CDH23: variants seen among roughly 807,000 people sequenced by gnomAD.
CDH23 encodes the protein cadherin related 23, also known as cadherin-23.
A neutral mutation model predicts 317.1 loss-of-function variants in CDH23; 189 were observed. The observed-to-expected ratio is 0.60, with a 90% CI of 0.53 to 0.67. The LOEUF is 0.67. Ranked by LOEUF, CDH23 falls within the 30% of genes least tolerant of loss-of-function variation. CDH23 has a pLI of 0.00. For synonymous variants in CDH23, 1,839 were observed against 1,876.8 expected (o/e 0.98, Z 0.52); for missense variants, 4,401 against 4,592.4 (o/e 0.96, Z 1.20).
intron 9 of CDH23, among the ~76,000 whole-genome samples, chr10:71,587,067 C>A (rs1859122616): frequency 6.6e-6 from 1 of 152,182 alleles, no homozygotes; most frequent in Non-Finnish European, 1.5e-5. Context: ...ATCTCTCACC[C>A]CCATCATAAC....
intron 3 of CDH23, among the ~76,000 whole-genome samples, chr10:71,470,652 G>C (rs1342567102): frequency 6.6e-6 from 1 of 152,038 alleles, no homozygotes; most frequent in African/African-American, 2.4e-5. Flanking sequence ...ACTACACCCA[G>C]CTAATTTTTT....
intron 38 of CDH23, among the ~76,000 whole-genome samples, chr10:71,772,259 A>G (rs1365919788): frequency 6.6e-6 from 1 of 152,124 alleles, no homozygotes; most frequent in Non-Finnish European, 1.5e-5. Context: ...GGTATCTTCC[A>G]GGTTCAGCCT....
At chr10:71,683,598 A>T (rs1014718689) in intron 18 of CDH23, among the ~76,000 whole-genome samples, 2 of 152,180 alleles carry the variant, frequency 1.3e-5, no homozygotes, top group African/African-American at 4.8e-5. Context: ...AGTCAAAGTG[A>T]TGCCTGATGG....
chr10:71,508,597 T>G (rs1450272145), intron 3 of CDH23, among the ~76,000 whole-genome samples: 3 of 152,210 alleles, frequency 2.0e-5, no homozygotes, highest in African/African-American at 7.2e-5. Context: ...TAGATAAAAT[T>G]CCAAGAATTT....
intron 3 of CDH23, among the ~76,000 whole-genome samples, chr10:71,493,438 A>G (rs192073895): frequency 6.6e-6 from 1 of 152,306 alleles, no homozygotes; most frequent in African/African-American, 2.4e-5. Flanking sequence ...TCATTTGCTC[A>G]TCTGTCCGTC....
At chr10:71,641,151 C>T (rs1862528911) in intron 11 of CDH23, among the ~76,000 whole-genome samples, 1 of 152,170 alleles carries the variant, frequency 6.6e-6, no homozygotes, top group Non-Finnish European at 1.5e-5. Context: ...ATAGGTGCCT[C>T]CAAGCTACTC....
rs1340550532 is a variant in CDH23, at chr10:71,397,289, A to AGGCGC, written c.-29_-25dup. On this transcript the variant is annotated 5_prime_UTR_variant, in exon 1 of 70. Transcript: ENST00000224721. This position sits in a 1 kb window ranked among gnomAD's most constrained non-coding sequence, Gnocchi z 4.8. ...GGAGAGCAGAGCCCGAGGCGAGGCGAGGCGCGGCGCCGCTGCACACACGCA... is the reference window on the plus strand; with the variant it reads ...GGAGAGCAGAGCCCGAGGCGAGGCGAGGCGCGGCGCGGCGCCGCTGCACACACGCA... 2.9e-5 allele frequency: 5 copies of AGGCGC among 170,452 alleles called. No homozygotes were observed. The highest frequency in any genetic ancestry group is 1.0e-4 in the African/African-American group (4 of 38,398). The allele number at this position is 170,452 out of a possible 1,614,324, so 10.6% of individuals were successfully genotyped here.
At chr10:71,544,514 C>T (rs961741304) in intron 6 of CDH23, among the ~76,000 whole-genome samples, 9 of 152,206 alleles carry the variant, frequency 5.9e-5, no homozygotes, top group South Asian at 2.1e-4. Context: ...GCCTGCCCCA[C>T]GCCCGCTCCC....
At chr10:71,749,437 G>C (rs1839936958) in intron 38 of CDH23, 1 of 152,296 alleles carries the variant, frequency 6.6e-6, no homozygotes, top group Non-Finnish European at 1.5e-5. Flanking sequence ...CCTGCAAAGT[G>C]CTGGGAGGAC....
At chr10:71,696,230 AC>A (rs1865385532) in intron 22 of CDH23, among the ~76,000 whole-genome samples, 1 of 151,878 alleles carries the variant, frequency 6.6e-6, no homozygotes, top group African/African-American at 2.4e-5. Context: ...CTCCTCCCCC[AC>A]CCTGTACACC....
chr10:71,497,456 G>T (rs1232405274), intron 3 of CDH23, among the ~76,000 whole-genome samples: 1 of 151,928 alleles, frequency 6.6e-6, no homozygotes, highest in Non-Finnish European at 1.5e-5. Flanking sequence ...ACATTCCAGG[G>T]CCCCTTTATT....
intron 44 of CDH23, 48 bp from the exon 45 acceptor site, chr10:71,788,892 C>A: frequency 2.1e-6 from 2 of 940,292 alleles, no homozygotes; most frequent in Non-Finnish European, 3.5e-6. Flanking sequence ...TAGGTGGGGG[C>A]ACTTTGCTGA....
chr10:71,812,328 G>A, intron 66 of CDH23, 152 bp from the exon 67 acceptor site: 1 of 1,598,908 alleles, frequency 6.3e-7, no homozygotes, highest in Non-Finnish European at 8.5e-7. Context: ...TATGGTGGGA[G>A]CATGCACCAC....
At position 71,617,339 on chromosome 10, in the gene CDH23, G is replaced by T. The variant is rs570997401; in HGVS notation, c.1080G>T (p.Leu360=). 6.2e-6 allele frequency: 10 copies of T among 1,613,948 alleles called. No individual in the cohort carries two copies. The East Asian group carries it at 2.2e-4, about 36-fold the overall frequency. Reference sequence around the variant, plus strand: ...AGTACAGCGTGGCCATCACTGAGCTGGCACAGGTCGGCTTTGCCCTTCCAC... The same window carrying T: ...AGTACAGCGTGGCCATCACTGAGCTTGCACAGGTCGGCTTTGCCCTTCCAC... ...SSEYSVAITE[L]AQVGFALPLF... Residue 360 remains leucine, a synonymous_variant, in exon 11 of 70, where the codon CTG becomes CTT. Transcript: ENST00000224721.
chr10:71,428,139 CTTT>C (rs112105182), intron 1 of CDH23, among the ~76,000 whole-genome samples: 22 of 131,500 alleles, frequency 1.7e-4, no homozygotes, highest in South Asian at 2.4e-4. Context: ...TTCTTTCTTT[CTTT>C]TTTTTTTTTT....
intron 3 of CDH23, among the ~76,000 whole-genome samples, chr10:71,504,904 C>G (rs1397917314): frequency 6.6e-6 from 1 of 152,182 alleles, no homozygotes; most frequent in Non-Finnish European, 1.5e-5. Flanking sequence ...GGACTTCTAA[C>G]CTGGCTGTGT....
At chr10:71,734,755 G>A in intron 34 of CDH23, 97 bp downstream of exon 34, 1 of 750,702 alleles carries the variant, frequency 1.3e-6, no homozygotes, top group South Asian at 1.3e-5. Flanking sequence ...CTCTCCCAGA[G>A]AGAAGGCACG....
At chr10:71,560,971 G>T (rs1449444398) in intron 6 of CDH23, among the ~76,000 whole-genome samples, 1 of 152,212 alleles carries the variant, frequency 6.6e-6, no homozygotes, top group Non-Finnish European at 1.5e-5. Flanking sequence ...TTTGGTCAAG[G>T]GTACAGCATA....
At chr10:71,710,610 G>A (rs1470980818) in intron 27 of CDH23, among the ~76,000 whole-genome samples, 1 of 152,218 alleles carries the variant, frequency 6.6e-6, no homozygotes, top group Non-Finnish European at 1.5e-5. Context: ...TCCACAGGGG[G>A]ACATTCAGGA....
Sources: allele counts gnomAD v4.1 joint callset (sites outside exome capture counted in the v4.1 genomes callset), GRCh38; gene constraint gnomAD v4.1.1; non-coding constraint Gnocchi (gnomAD v3.1); transcripts MANE v1.5; gene names NCBI Gene and HGNC (gene_info 2026-07-23, HGNC 2026-07-21).